Variants in GBF1 observed in about 807,000 individuals in gnomAD.
The protein encoded by GBF1 is golgi brefeldin A resistant guanine nucleotide exchange factor 1.
Under a neutral mutation model 210.5 loss-of-function variants are expected in GBF1, and 114 were observed. The ratio of observed to expected loss-of-function variants is 0.54; its 90% CI spans 0.47 to 0.63. GBF1 has a LOEUF of 0.63. Ranked by LOEUF, GBF1 falls within the 30% of genes least tolerant of loss-of-function variation. GBF1 has a pLI of 0.00. For synonymous variants in GBF1, 850 were observed against 889.2 expected, an observed-to-expected ratio of 0.96 and a Z score of 0.78; for missense variants, 1,851 against 2,357.7, an observed-to-expected ratio of 0.79 and a Z score of 4.45.
chr10:102,288,872 G>A (rs922621779), intron 3 of GBF1, among the ~76,000 whole-genome samples: 1 of 152,056 alleles, frequency 6.6e-6, no homozygotes, highest in African/African-American at 2.4e-5. Flanking sequence ...ACGCTGAGGC[G>A]GGCGGATTAC....
At chr10:102,250,678 C>T (rs913663281) in intron 1 of GBF1, among the ~76,000 whole-genome samples, 1 of 151,958 alleles carries the variant, frequency 6.6e-6, no homozygotes, top group East Asian at 1.9e-4. Context: ...ATTAAGAGGC[C>T]GGGCGTGGTA....
intron 3 of GBF1, among the ~76,000 whole-genome samples, chr10:102,315,423 G>T (rs896985366): frequency 1.3e-5 from 2 of 152,178 alleles, no homozygotes; most frequent in African/African-American, 4.8e-5. Flanking sequence ...TGCTCCTTAT[G>T]AGAATGTAAC....
In GBF1 at chr10:102,261,581, C is replaced by CT. The variant is rs569925303; in HGVS notation, c.163+1466dup. 7.1e-4 allele frequency among the ~76,000 whole-genome samples: 106 copies of CT among 150,248 alleles called. 2 individuals are homozygous for CT. The East Asian group carries it at 0.02, about 28-fold the overall frequency. On this transcript the variant is annotated intron_variant, in intron 3 of 39. Transcript: ENST00000369983. ...TTTCCTAAACATGGGCTAAAGTTAT[C>CT]TAAGAGTTCCCTACATATTTTCTTT...
At chr10:102,306,724 G>A (rs1363146850) in intron 3 of GBF1, among the ~76,000 whole-genome samples, 2 of 152,158 alleles carry the variant, frequency 1.3e-5, no homozygotes, top group Non-Finnish European at 2.9e-5. Flanking sequence ...GCACCCAGCC[G>A]GGGCTGTCTC....
At chr10:102,328,319 C>T (rs1025102489) in intron 3 of GBF1, among the ~76,000 whole-genome samples, 10 of 152,042 alleles carry the variant, frequency 6.6e-5, no homozygotes, top group Admixed American at 3.9e-4. Flanking sequence ...AATAGCAGGA[C>T]CTCGTCTCTA....
Position 102,359,424 on chromosome 10 carries a change from C to T in GBF1, c.1169C>T (p.Ser390Phe). The T allele has an allele frequency of 6.2e-7, 1 of 1,612,700 alleles. No homozygotes were observed. The highest frequency in any genetic ancestry group is 1.3e-5 in the African/African-American group (1 of 74,982). ...NPRGVRFTQS[S>F]QKEGTALVPY... ...CGGGGCGTGCGCTTTACACAGTCCTCCCAGAAAGAAGGTGGGTATTCTGGT... is the reference window on the plus strand; with the variant it reads ...CGGGGCGTGCGCTTTACACAGTCCTTCCAGAAAGAAGGTGGGTATTCTGGT... The change falls in exon 11 of 40, where the codon TCC becomes TTC. Residue 390 changes from serine (S) to phenylalanine (F), a missense_variant. Transcript: ENST00000369983.
At chr10:102,238,110 A>T in the GBF1 span, among the ~76,000 whole-genome samples, 2 of 152,064 alleles carry the variant, frequency 1.3e-5, no homozygotes, top group Non-Finnish European at 2.9e-5. Flanking sequence ...TTTGAAAGTT[A>T]TTCCTCTCTG....
chr10:102,369,649 G>A, intron 24 of GBF1, 62 bp from the exon 25 acceptor site: 7 of 1,480,804 alleles, frequency 4.7e-6, no homozygotes, highest in Non-Finnish European at 6.6e-6. Flanking sequence ...ACTTTGGTGG[G>A]TGGAGGCGGG....
chr10:102,318,622 G>A (rs939311651), intron 3 of GBF1, among the ~76,000 whole-genome samples: 1 of 151,534 alleles, frequency 6.6e-6, no homozygotes, highest in African/African-American at 2.4e-5. Context: ...TTCTCTTTAG[G>A]TAATACATGT....
At chr10:102,355,949 T>C (rs2059266232) in intron 8 of GBF1, among the ~76,000 whole-genome samples, 1 of 152,232 alleles carries the variant, frequency 6.6e-6, no homozygotes, top group South Asian at 2.1e-4. Context: ...GAGAATCCTT[T>C]TGCTTCCTCC....
chr10:102,342,609 T>G (rs1245765144), intron 3 of GBF1, among the ~76,000 whole-genome samples: 3 of 152,084 alleles, frequency 2.0e-5, no homozygotes, highest in Non-Finnish European at 4.4e-5. Flanking sequence ...AGGGAATGTT[T>G]ACCCAGGGAG....
intron 3 of GBF1, among the ~76,000 whole-genome samples, chr10:102,293,544 C>A (rs2076612157): frequency 6.6e-6 from 1 of 152,028 alleles, no homozygotes; most frequent in African/African-American, 2.4e-5. Flanking sequence ...ATGACAGCTT[C>A]ATGGGTGTTA....
intron 34 of GBF1, 22 bp from the exon 35 acceptor site, chr10:102,379,499 C>G: frequency 6.2e-7 from 1 of 1,614,102 alleles, no homozygotes; most frequent in Non-Finnish European, 8.5e-7. Context: ...CTGAAGGATC[C>G]TGACCCTGCT....
chr10:102,237,004 G>T, the GBF1 span, among the ~76,000 whole-genome samples: 5 of 152,230 alleles, frequency 3.3e-5, no homozygotes, highest in African/African-American at 4.8e-5. Flanking sequence ...CACATTTGCA[G>T]CAAAGATTTG....
At chr10:102,377,407 G>A (rs2060572767) in intron 33 of GBF1, among the ~76,000 whole-genome samples, 1 of 151,962 alleles carries the variant, frequency 6.6e-6, no homozygotes, top group African/African-American at 2.4e-5. Context: ...AGGCTGGAGT[G>A]CAGTGGCGTG....
intron 3 of GBF1, among the ~76,000 whole-genome samples, chr10:102,260,889 G>A (rs2073116618): frequency 6.6e-6 from 1 of 152,136 alleles, no homozygotes; most frequent in South Asian, 2.1e-4. Flanking sequence ...CAGTCTTCAT[G>A]TGTTCTAGAA....
chr10:102,265,072 G>A (rs2073714068), intron 3 of GBF1, among the ~76,000 whole-genome samples: 1 of 152,176 alleles, frequency 6.6e-6, no homozygotes, highest in South Asian at 2.1e-4. Flanking sequence ...GAAATATCAG[G>A]ATACTTGATA....
At chr10:102,243,443 G>A (rs756797875), upstream of GBF1, among the ~76,000 whole-genome samples, 1 of 152,208 alleles carries the variant, frequency 6.6e-6, no homozygotes, top group Non-Finnish European at 1.5e-5. Flanking sequence ...GATGATTAGT[G>A]GTTAGGAGGG....
chr10:102,261,581 C>G (rs2073218666), intron 3 of GBF1, among the ~76,000 whole-genome samples: 1 of 150,188 alleles, frequency 6.7e-6, no homozygotes, highest in African/African-American at 2.4e-5. Flanking sequence ...CTAAAGTTAT[C>G]TAAGAGTTCC....
Sources: gnomAD v4.1 joint callset for allele counts (sites outside exome capture counted in the v4.1 genomes callset) on GRCh38, gnomAD v4.1.1 for gene constraint, MANE v1.5 for transcripts, NCBI Gene and HGNC (gene_info 2026-07-23, HGNC 2026-07-21) for gene names.